Variants in POU2F3 observed in about 807,000 individuals in gnomAD.
The protein encoded by POU2F3 is POU class 2 homeobox 3.
A neutral mutation model predicts 59.2 loss-of-function variants in POU2F3; 23 were observed. That is an observed-to-expected ratio of 0.39 (90% CI 0.28 to 0.55). POU2F3 has a LOEUF of 0.55. POU2F3 is among the 20% of genes least tolerant of loss of function. POU2F3 has a pLI of 0.66. For missense variants in POU2F3, 473 were observed against 544.5 expected (o/e 0.87, Z 1.31); for synonymous variants, 190 against 214.6 (o/e 0.89, Z 1.00).
In POU2F3 at chr11:120,285,296, C is replaced by T. The variant is rs1940739710; in HGVS notation, c.133-12969C>T. Among the ~76,000 whole-genome samples the T allele has an allele frequency of 6.6e-6, 1 of 152,192 alleles. No individual in the cohort carries two copies. Among genetic ancestry groups the T allele is most frequent in the Non-Finnish European group, 1.5e-5 (1 of 68,042 alleles). On this transcript the variant is annotated intron_variant, in intron 3 of 12. Transcript: ENST00000543440. The surrounding 1 kb of genome is among the most constrained non-coding windows in gnomAD (Gnocchi z 4.3). The stretch of plus-strand genomic sequence containing the variant: ...TCCCAAGTCTCTGCCAAAACTCATC[C>T]TGGGTTTTCAGACTTGCTACCAGCC...
Position 120,281,274 on chromosome 11 carries a change from G to GT in POU2F3, c.132+12037dup, listed in dbSNP as rs1214397843. ...CCAGAGGGCTTCTCTAAGCCAATAG[G>GT]TTTTTTTCCACTCACAAGAACTGTG... On this transcript the variant is annotated intron_variant, in intron 3 of 12. Coordinates refer to ENST00000543440, the MANE Select transcript of POU2F3 (RefSeq NM_014352.4). 1.2e-4 allele frequency among the ~76,000 whole-genome samples: 18 copies of GT among 151,688 alleles called. No homozygotes were observed. In the East Asian group the frequency reaches 2.9e-3, roughly 25 times the overall value.
At chr11:120,249,184 G>A (rs993257887) in intron 2 of POU2F3, among the ~76,000 whole-genome samples, 9 of 152,172 alleles carry the variant, frequency 5.9e-5, no homozygotes, top group Non-Finnish European at 1.3e-4. Flanking sequence ...CCGAGGCATA[G>A]ATGAAGAATA....
rs1170335277 is a variant in POU2F3 at position 120,305,779 on chromosome 11, G to T, written c.763G>T (p.Asp255Tyr). The change falls in exon 8 of 13, where the codon GAT (aspartate) becomes TAT (tyrosine). Residue 255 changes from aspartate (D) to tyrosine (Y), a missense_variant. By Grantham distance (160) the Asp-to-Tyr change is radical. Transcript: ENST00000543440. ...LKPLLEKWLNDAESSPSDPSV... is the reference protein window; with the variant it reads ...LKPLLEKWLNYAESSPSDPSV... ...GCCCCTGCTGGAGAAGTGGCTGAATGATGCAGGTAGGCCTCGCAAACACGG... is the reference window on the plus strand; with the variant it reads ...GCCCCTGCTGGAGAAGTGGCTGAATTATGCAGGTAGGCCTCGCAAACACGG... The T allele has an allele frequency of 1.2e-6, 2 of 1,613,484 alleles. No individual in the cohort carries two copies. The highest frequency in any genetic ancestry group is 2.2e-5 in the South Asian group (2 of 91,030).
chr11:120,307,748 A>T (rs777540867), intron 9 of POU2F3, 133 bp downstream of exon 9: 21 of 1,226,964 alleles, frequency 1.7e-5, no homozygotes, highest in Non-Finnish European at 2.1e-5. Context: ...AAAACACATT[A>T]TCCCACTCCA....
At chr11:120,265,497 G>A (rs1939791334) in intron 2 of POU2F3, 1 of 152,250 alleles carries the variant, frequency 6.6e-6, no homozygotes, top group African/African-American at 2.4e-5. Context: ...TTGATGAGAA[G>A]GGGAAACTCC....
At chr11:120,251,144 A>G (rs1283631362) in intron 2 of POU2F3, among the ~76,000 whole-genome samples, 1 of 152,066 alleles carries the variant, frequency 6.6e-6, no homozygotes, top group Non-Finnish European at 1.5e-5. Context: ...ATTTTTTTAA[A>G]TTATCTCTTT....
chr11:120,303,675 A>C (rs1297336119), intron 6 of POU2F3: 1 of 152,320 alleles, frequency 6.6e-6, no homozygotes, highest in East Asian at 1.9e-4. Context: ...TCTCCCTGCA[A>C]ACTAAGACCA....
chr11:120,307,494 A>C lies in POU2F3; in HGVS notation c.785A>C (p.Asp262Ala), dbSNP rs1199228840. 6.2e-7 allele frequency: 1 copy of C among 1,613,886 alleles called. No homozygotes were observed. The change falls in exon 9 of 13, where the codon GAC becomes GCC. Residue 262 changes from aspartate (D) to alanine (A), a missense_variant. Asp to Ala is a moderately radical substitution (Grantham distance 126). Transcript: ENST00000543440. ...WLNDAESSPS[D>A]PSVSTPSSYP... ...GTCCCTGCAGAGTCCTCTCCGTCAGACCCCTCAGTGAGCACGCCCAGCTCC... is the reference window on the plus strand; with the variant it reads ...GTCCCTGCAGAGTCCTCTCCGTCAGCCCCCTCAGTGAGCACGCCCAGCTCC...
intron 2 of POU2F3, among the ~76,000 whole-genome samples, chr11:120,268,744 C>T (rs1939939677): frequency 6.6e-6 from 1 of 152,212 alleles, no homozygotes; most frequent in Non-Finnish European, 1.5e-5. Flanking sequence ...GTCTAGCTGA[C>T]ATACTTTAGG....
Position 120,240,355 on chromosome 11 carries a change from G to T in POU2F3, c.12G>T (p.Leu4=). 7.0e-7 allele frequency: 1 copy of T among 1,425,702 alleles called. No homozygotes were observed. The allele number at this position is 1,425,702 out of a possible 1,614,324, so 88.3% of individuals were successfully genotyped here. The part of the protein sequence containing the change: MVN[L]ESMHTDIKMS... Reference sequence around the variant, plus strand: ...CCGCCTGGGGCAGGATGGTGAATCTGGAGTCCATGCACACAGGTGAGGGGC... The same window carrying T: ...CCGCCTGGGGCAGGATGGTGAATCTTGAGTCCATGCACACAGGTGAGGGGC... The change falls in exon 1 of 13, where the codon CTG becomes CTT. Residue 4 remains leucine (L), a synonymous_variant. Transcript: ENST00000543440.
chr11:120,243,303 G>A (rs929001066), intron 1 of POU2F3, among the ~76,000 whole-genome samples: 7 of 152,160 alleles, frequency 4.6e-5, no homozygotes, highest in African/African-American at 1.4e-4. Context: ...GAGGGCTGTG[G>A]CTTCTGCTTT....
At chr11:120,303,927 C>T (rs771297799) in intron 6 of POU2F3, 2 of 152,230 alleles carry the variant, frequency 1.3e-5, no homozygotes, top group Non-Finnish European at 2.9e-5. Flanking sequence ...CCAGATTCCA[C>T]TCTATCCTTG....
At chr11:120,260,843 G>A (rs957281946) in intron 2 of POU2F3, among the ~76,000 whole-genome samples, 10 of 152,158 alleles carry the variant, frequency 6.6e-5, no homozygotes, top group African/African-American at 2.4e-4. Context: ...CGAGGCAGGA[G>A]GATTGCTTGA....
chr11:120,267,656 T>C (rs1276012961), intron 2 of POU2F3, among the ~76,000 whole-genome samples: 2 of 152,248 alleles, frequency 1.3e-5, no homozygotes, highest in African/African-American at 2.4e-5. Flanking sequence ...CAGGGAATTC[T>C]CTTAGACCCC....
Position 120,246,516 on chromosome 11 carries a change from A to G in POU2F3, c.96A>G (p.Pro32=). Reference sequence around the variant, plus strand: ...GCAGCACTCTCAGCCAGGTGGAGCCAGGTAAGGGTCTTCTCTTCTCGGGGA... The same window carrying G: ...GCAGCACTCTCAGCCAGGTGGAGCCGGGTAAGGGTCTTCTCTTCTCGGGGA... ...DARSTLSQVE[P]GNDRNGLDFN... Residue 32 remains proline, a splice_region_variant and synonymous_variant, in exon 2 of 13, where the codon CCA becomes CCG. Transcript: ENST00000543440. 2 of 1,602,294 alleles carry G rather than the reference A, an allele frequency of 1.2e-6. No homozygotes were observed. The highest frequency in any genetic ancestry group is 2.2e-5 in the South Asian group (2 of 90,794).
rs150281367 is a variant in POU2F3, at chr11:120,277,639, G to A, written c.132+8395G>A. On this transcript the variant is annotated intron_variant, in intron 3 of 12. Coordinates refer to ENST00000543440, the MANE Select transcript of POU2F3 (RefSeq NM_014352.4). Reference sequence around the variant, plus strand: ...AAAATTGCAAAAAAAAAAATTAGCCGGGCGCAGTGGCTTATGCCTGTAGAC... The same window carrying A: ...AAAATTGCAAAAAAAAAAATTAGCCAGGCGCAGTGGCTTATGCCTGTAGAC... Among the ~76,000 whole-genome samples the A allele has an allele frequency of 3.0e-3, 458 of 152,092 alleles. 3 individuals are homozygous for A. Among genetic ancestry groups the A allele is most frequent in the African/African-American group, 0.01 (427 of 41,486 alleles).
intron 3 of POU2F3, among the ~76,000 whole-genome samples, chr11:120,281,717 G>A (rs1278261439): frequency 6.6e-6 from 1 of 152,088 alleles, no homozygotes; most frequent in Non-Finnish European, 1.5e-5. Context: ...GGGTGTCCCT[G>A]GTTCCAGTCC....
rs1397846780 is a variant in POU2F3, at chr11:120,305,803, G to A, written c.769+18G>A. 1.1e-5 allele frequency: 17 copies of A among 1,612,268 alleles called. No homozygotes were observed. The highest frequency in any genetic ancestry group is 2.0e-4 in the Middle Eastern group (1 of 5,094). ...TGATGCAGGTAGGCCTCGCAAACAC[G>A]GATGCCAGGGGCCCTAGAGGGCTCT... On this transcript the variant is annotated intron_variant, in intron 8 of 12. Transcript: ENST00000543440.
At chr11:120,268,089 A>G (rs557591682) in intron 2 of POU2F3, among the ~76,000 whole-genome samples, 3 of 152,320 alleles carry the variant, frequency 2.0e-5, no homozygotes, top group African/African-American at 7.2e-5. Flanking sequence ...ACCATTAAAA[A>G]TGATACTTAT....
Sources: gnomAD v4.1 joint callset for allele counts (sites outside exome capture counted in the v4.1 genomes callset) on GRCh38, gnomAD v4.1.1 for gene constraint, Gnocchi (gnomAD v3.1) non-coding constraint, MANE v1.5 for transcripts, NCBI Gene and HGNC (gene_info 2026-07-23, HGNC 2026-07-21) for gene names.